Variants in FOXP2 observed in about 807,000 individuals in gnomAD.
FOXP2 encodes forkhead box P2, also known as forkhead box protein P2.
In FOXP2, 12 loss-of-function variants were observed where a neutral mutation model predicts 115.8. The ratio of observed to expected loss-of-function variants is 0.10; its 90% CI spans 0.07 to 0.17. The LOEUF (loss-of-function observed/expected upper bound fraction) is 0.17. Ranked by LOEUF, FOXP2 falls within the 10% of genes least tolerant of loss-of-function variation. The probability of loss-of-function intolerance (pLI) is 1.00; values close to 1 mark genes in which losing one functional copy is unlikely to be tolerated. For missense variants in FOXP2, 629 were observed against 843.5 expected (o/e 0.75, Z 3.15); for synonymous variants, 328 against 297.7 (o/e 1.10, Z -1.05).
intron 2 of FOXP2, among the ~76,000 whole-genome samples, chr7:114,500,495 T>A (rs1206603815): frequency 6.6e-6 from 1 of 152,156 alleles, no homozygotes; most frequent in Non-Finnish European, 1.5e-5. Flanking sequence ...TTTTAGATTA[T>A]GTATTCTTCA....
chr7:114,399,406 C>A (rs1284790213), intron 2 of FOXP2, among the ~76,000 whole-genome samples: 2 of 152,124 alleles, frequency 1.3e-5, no homozygotes, highest in Non-Finnish European at 2.9e-5. Context: ...ATGCACCCAG[C>A]CTTCACTTAT....
chr7:114,318,140 T>A (rs554514957), intron 2 of FOXP2, among the ~76,000 whole-genome samples: 1 of 152,214 alleles, frequency 6.6e-6, no homozygotes. Flanking sequence ...ATTTTCCAAT[T>A]TACTGTTCTA....
intron 8 of FOXP2, among the ~76,000 whole-genome samples, chr7:114,649,656 A>G (rs1311882083): frequency 6.6e-6 from 1 of 152,100 alleles, no homozygotes; most frequent in Non-Finnish European, 1.5e-5. Context: ...TTTATATCTG[A>G]CACTATTTCT....
chr7:114,393,029 G>A (rs145219783), intron 2 of FOXP2, among the ~76,000 whole-genome samples: 2 of 152,270 alleles, frequency 1.3e-5, no homozygotes, highest in African/African-American at 4.8e-5. Flanking sequence ...AGATTCTGGT[G>A]AGGAAAGCAG....
intron 1 of FOXP2, among the ~76,000 whole-genome samples, chr7:114,274,510 G>A (rs1266545725): frequency 5.8e-5 from 8 of 138,950 alleles, no homozygotes; most frequent in South Asian, 2.4e-4. Context: ...ATTTCCTTCC[G>A]TTTTTATTTG....
chr7:114,270,017 T>C (rs1795995773), intron 1 of FOXP2, among the ~76,000 whole-genome samples: 2 of 152,186 alleles, frequency 1.3e-5, no homozygotes, highest in Admixed American at 1.3e-4. Context: ...TAATGAATAC[T>C]CTGTGCTCAA....
chr7:114,653,974 A>C lies in FOXP2; in HGVS notation c.1231A>C (p.Met411Leu), dbSNP rs776679391. ...TCAAGCAATGATGACCCACTTGCAC[A>C]TGCGACCCTCAGAGCCCAAACCATC... Reference protein sequence around the residue: ...RLQAMMTHLHMRPSEPKPSPK... With the variant: ...RLQAMMTHLHLRPSEPKPSPK... The change falls in exon 10 of 17, where the codon ATG (methionine) becomes CTG (leucine). Residue 411 changes from methionine to leucine, a missense_variant. Coordinates refer to ENST00000350908, the MANE Select transcript of FOXP2 (RefSeq NM_014491.4). 6.2e-7 allele frequency: 1 copy of C among 1,613,432 alleles called. No homozygotes were observed. Among genetic ancestry groups the C allele is most frequent in the African/African-American group, 1.3e-5 (1 of 75,004 alleles).
chr7:114,659,728 A>T (rs1317292190), intron 13 of FOXP2, 55 bp downstream of exon 13: 29 of 1,330,240 alleles, frequency 2.2e-5, no homozygotes, highest in Non-Finnish European at 1.1e-6. Context: ...TACAGATAGC[A>T]CAAGGAACAT....
intron 2 of FOXP2, among the ~76,000 whole-genome samples, chr7:114,461,651 A>G (rs764630081): frequency 5.3e-5 from 8 of 151,952 alleles, no homozygotes; most frequent in Non-Finnish European, 1.2e-4. Context: ...CTCCTGTGGC[A>G]TTATCTTGTG....
intron 1 of FOXP2, among the ~76,000 whole-genome samples, chr7:114,228,185 G>A (rs1258759151): frequency 4.6e-5 from 7 of 152,072 alleles, no homozygotes; most frequent in South Asian, 4.1e-4. Context: ...ATTCAAGTGC[G>A]TACTTTCCAA....
chr7:114,103,786 C>T (rs142045250), intron 1 of FOXP2, among the ~76,000 whole-genome samples: 375 of 151,854 alleles, frequency 2.5e-3, no homozygotes, highest in African/African-American at 8.6e-3. Context: ...CATTTTTTCC[C>T]TTGGGAATTG....
chr7:114,570,051 CT>C (rs1334346987), intron 3 of FOXP2, among the ~76,000 whole-genome samples: 5 of 151,914 alleles, frequency 3.3e-5, no homozygotes, highest in African/African-American at 9.6e-5. Flanking sequence ...CAGTGTAATC[CT>C]TTTGCCCTTC....
chr7:114,133,865 GAC>G (rs1464949978), intron 1 of FOXP2, among the ~76,000 whole-genome samples: 1 of 152,156 alleles, frequency 6.6e-6, no homozygotes, highest in Non-Finnish European at 1.5e-5. Context: ...AGTATGTTGT[GAC>G]ACAGCATGAA....
chr7:114,500,500 T>TTTA (rs1797522136), intron 2 of FOXP2, among the ~76,000 whole-genome samples: 1 of 152,224 alleles, frequency 6.6e-6, no homozygotes, highest in East Asian at 1.9e-4. Flanking sequence ...GATTATGTAT[T>TTTA]CTTCATTTAT....
At chr7:114,357,500 T>A (rs1300679359) in intron 2 of FOXP2, among the ~76,000 whole-genome samples, 1 of 152,210 alleles carries the variant, frequency 6.6e-6, no homozygotes, top group Non-Finnish European at 1.5e-5. Flanking sequence ...AGCCTTGTCC[T>A]AAGGCTAATC....
At chr7:114,412,118 G>T (rs1793178691), upstream of FOXP2, among the ~76,000 whole-genome samples, 1 of 152,032 alleles carries the variant, frequency 6.6e-6, no homozygotes, top group Non-Finnish European at 1.5e-5. Flanking sequence ...GCTATTGGAA[G>T]AAATCATAAT....
At chr7:114,604,590 G>A (rs1803212201) in intron 3 of FOXP2, among the ~76,000 whole-genome samples, 1 of 152,118 alleles carries the variant, frequency 6.6e-6, no homozygotes, top group Non-Finnish European at 1.5e-5. Context: ...TTTTGCAGAG[G>A]AATAAATATG....
intron 1 of FOXP2, among the ~76,000 whole-genome samples, chr7:114,097,396 G>C (rs1182142617): frequency 6.6e-6 from 1 of 152,082 alleles, no homozygotes; most frequent in Non-Finnish European, 1.5e-5. Context: ...GGTAGCTTTT[G>C]GAGTCATGCC....
intron 1 of FOXP2, among the ~76,000 whole-genome samples, chr7:114,244,167 G>A (rs1795221608): frequency 6.6e-6 from 1 of 152,054 alleles, no homozygotes; most frequent in Non-Finnish European, 1.5e-5. Flanking sequence ...ACAAAAAATT[G>A]TGAAGATAAT....
Sources: allele counts gnomAD v4.1 joint callset (sites outside exome capture counted in the v4.1 genomes callset), GRCh38; gene constraint gnomAD v4.1.1; transcripts MANE v1.5; gene names NCBI Gene and HGNC (gene_info 2026-07-23, HGNC 2026-07-21).